Variants in PTP4A3 observed in about 807,000 individuals in gnomAD.
PTP4A3 encodes protein tyrosine phosphatase 4A3.
A neutral mutation model predicts 15.2 loss-of-function variants in PTP4A3; 9 were observed. That is an observed-to-expected ratio of 0.59 (90% CI 0.36 to 1.03). The LOEUF (loss-of-function observed/expected upper bound fraction) is 1.03. PTP4A3 is among the 50% of genes least tolerant of loss of function. PTP4A3 has a pLI of 0.02. For synonymous variants in PTP4A3, 95 were observed against 102.0 expected, an observed-to-expected ratio of 0.93 and a Z score of 0.41; for missense variants, 234 against 252.1, an observed-to-expected ratio of 0.93 and a Z score of 0.49.
intron 1 of PTP4A3, among the ~76,000 whole-genome samples, chr8:141,414,274 G>A (rs897517004): frequency 6.6e-6 from 1 of 152,354 alleles, no homozygotes; most frequent in Admixed American, 6.5e-5. Context: ...CTGGACATTA[G>A]GCCATTTGTG....
At chr8:141,408,270 G>A (rs569837852) in intron 1 of PTP4A3, among the ~76,000 whole-genome samples, 2 of 152,318 alleles carry the variant, frequency 1.3e-5, no homozygotes, top group South Asian at 4.1e-4. Flanking sequence ...GGAATTAGTG[G>A]TGATGATTAC....
chr8:141,426,675 A>G, intron 3 of PTP4A3: 1 of 985,332 alleles, frequency 1.0e-6, no homozygotes, highest in South Asian at 4.7e-5. Flanking sequence ...CTCTATTCAG[A>G]AAGGGGTGGG....
In PTP4A3 at chr8:141,416,627, G is replaced by A. The variant is rs564098128; in HGVS notation, c.-853-4761G>A. Among the ~76,000 whole-genome samples the A allele has an allele frequency of 2.1e-3, 323 of 152,238 alleles. 3 individuals carry two copies. Among genetic ancestry groups the A allele is most frequent in the African/African-American group, 7.6e-3 (314 of 41,548 alleles). On this transcript the variant is annotated intron_variant, in intron 1 of 5. Coordinates refer to ENST00000521578, the MANE Select transcript of PTP4A3 (RefSeq NM_032611.3). Reference sequence around the variant, plus strand: ...CACGTGGGTGGGTGCCCTTGCCAGGGAGCTCACACCCTTGGGGGTCCATGA... The same window carrying A: ...CACGTGGGTGGGTGCCCTTGCCAGGAAGCTCACACCCTTGGGGGTCCATGA...
intron 1 of PTP4A3, among the ~76,000 whole-genome samples, chr8:141,397,317 C>T (rs1832476426): frequency 6.6e-6 from 1 of 152,200 alleles, no homozygotes; most frequent in African/African-American, 2.4e-5. Context: ...ACACAGGCTC[C>T]AGGCAGTGGG....
chr8:141,422,317 C>G lies in PTP4A3; in HGVS notation c.77C>G (p.Thr26Ser), dbSNP rs888702341. 6.8e-6 allele frequency: 11 copies of G among 1,613,402 alleles called. No homozygotes were observed. The African/African-American group carries it at 8.0e-5, about 12-fold the overall frequency. ...CGCTTCCTCATCACCCACAACCCCACCAACGCCACGCTCAGCACCTTCATT... is the reference window on the plus strand; with the variant it reads ...CGCTTCCTCATCACCCACAACCCCAGCAACGCCACGCTCAGCACCTTCATT... ...HMRFLITHNP[T>S]NATLSTFIED... Residue 26 changes from threonine (T) to serine (S), a missense_variant, in exon 2 of 6, where the codon ACC becomes AGC. Transcript: ENST00000521578.
At chr8:141,397,547 T>G (rs1340556623) in intron 1 of PTP4A3, among the ~76,000 whole-genome samples, 5 of 152,172 alleles carry the variant, frequency 3.3e-5, no homozygotes, top group Admixed American at 6.5e-5. Context: ...CTGGCCTCAG[T>G]TGGGAGTCCA....
intron 4 of PTP4A3, among the ~76,000 whole-genome samples, chr8:141,427,382 CT>C (rs1833626478): frequency 6.6e-6 from 1 of 152,232 alleles, no homozygotes; most frequent in African/African-American, 2.4e-5. Context: ...AGACTCCCTG[CT>C]GGGAGAACGG....
At chr8:141,413,379 TA>T (rs1832920032) in intron 1 of PTP4A3, among the ~76,000 whole-genome samples, 1 of 152,192 alleles carries the variant, frequency 6.6e-6, no homozygotes, top group African/African-American at 2.4e-5. Flanking sequence ...TGGCACTGGC[TA>T]AATGGGGCCC....
At chr8:141,417,841 T>C (rs1005167581) in intron 1 of PTP4A3, among the ~76,000 whole-genome samples, 1 of 151,648 alleles carries the variant, frequency 6.6e-6, no homozygotes, top group African/African-American at 2.4e-5. Flanking sequence ...GGCAGCCGGG[T>C]CGCCCGCCGG....
chr8:141,414,067 TG>T (rs1832947995), intron 1 of PTP4A3, among the ~76,000 whole-genome samples: 1 of 151,870 alleles, frequency 6.6e-6, no homozygotes, highest in Non-Finnish European at 1.5e-5. Flanking sequence ...GTGGCGTGTG[TG>T]TGTGTGTGTG....
At chr8:141,429,637 G>A (rs111972555) in intron 5 of PTP4A3, among the ~76,000 whole-genome samples, 8 of 140,050 alleles carry the variant, frequency 5.7e-5, no homozygotes, top group South Asian at 2.5e-4. Flanking sequence ...TAAGGACCAG[G>A]TGGCGGGGAC....
Position 141,422,178 on chromosome 8 carries a change from C to T in PTP4A3, c.-63C>T, listed in dbSNP as rs1343357715. On this transcript the variant is annotated 5_prime_UTR_variant, in exon 2 of 6. Coordinates refer to ENST00000521578, the MANE Select transcript of PTP4A3 (RefSeq NM_032611.3). ...TTTTTGGGGGTGTGTGGGGACTTCT[C>T]AGGTCGTGTCCCCAGCCTTCTCTGC... 48 of 1,531,540 alleles carry T rather than the reference C, an allele frequency of 3.1e-5. No homozygotes were observed. Among genetic ancestry groups the T allele is most frequent in the Non-Finnish European group, 4.1e-5 (46 of 1,108,904 alleles). 94.9% of individuals were successfully genotyped at this position (1,531,540 alleles called of 1,614,324 possible). A position where few individuals can be genotyped will look rare whatever the true frequency, so the allele number is the denominator to read the frequency against.
intron 3 of PTP4A3, chr8:141,426,726 T>A: frequency 1.0e-6 from 1 of 954,720 alleles, no homozygotes; most frequent in Non-Finnish European, 1.2e-6. Flanking sequence ...ATAGCTGCAG[T>A]GTACAGGGAA....
chr8:141,402,533 C>T (rs898199057), intron 1 of PTP4A3, among the ~76,000 whole-genome samples: 2 of 152,200 alleles, frequency 1.3e-5, no homozygotes, highest in African/African-American at 2.4e-5. Flanking sequence ...CTTTGACCTC[C>T]GTGGGGCCTT....
At chr8:141,418,957 T>C (rs1474513096) in intron 1 of PTP4A3, among the ~76,000 whole-genome samples, 2 of 152,078 alleles carry the variant, frequency 1.3e-5, no homozygotes, top group African/African-American at 4.8e-5. Flanking sequence ...ATTGCTTTGC[T>C]CTCACCTGGG....
intron 5 of PTP4A3, among the ~76,000 whole-genome samples, chr8:141,429,049 C>T (rs1833721524): frequency 6.6e-6 from 1 of 152,258 alleles, no homozygotes; most frequent in South Asian, 2.1e-4. Flanking sequence ...CTGCGCTGGT[C>T]AGGACAGGTT....
chr8:141,425,924 T>C lies in PTP4A3; in HGVS notation c.198+784T>C, dbSNP rs1032997801. On this transcript the variant is annotated intron_variant, in intron 3 of 5. Transcript: ENST00000521578. This position sits in a 1 kb window ranked among gnomAD's most constrained non-coding sequence, Gnocchi z 4.2. ...CTCCCCAGCCTTGCGACCCTGCAGG[T>C]CACTCCGAGCCTTGGGTTCCTCACC... is the stretch of plus-strand genomic sequence containing the variant. 1.3e-5 allele frequency among the ~76,000 whole-genome samples: 2 copies of C among 152,142 alleles called. No individual in the cohort carries two copies. Among genetic ancestry groups the C allele is most frequent in the Non-Finnish European group, 2.9e-5 (2 of 68,002 alleles).
intron 1 of PTP4A3, among the ~76,000 whole-genome samples, chr8:141,420,151 G>A (rs1833260672): frequency 6.6e-6 from 1 of 152,232 alleles, no homozygotes; most frequent in East Asian, 1.9e-4. Context: ...GAGAGGGGGT[G>A]GGTTGGGGAA....
intron 1 of PTP4A3, among the ~76,000 whole-genome samples, chr8:141,420,737 G>A (rs796726785): frequency 1.9e-4 from 29 of 152,340 alleles, no homozygotes; most frequent in African/African-American, 5.8e-4. Context: ...ACACAGTGGC[G>A]GGGGGACACT....
Sources: allele counts gnomAD v4.1 joint callset (sites outside exome capture counted in the v4.1 genomes callset), GRCh38; gene constraint gnomAD v4.1.1; non-coding constraint Gnocchi (gnomAD v3.1); transcripts MANE v1.5; gene names NCBI Gene and HGNC (gene_info 2026-07-23, HGNC 2026-07-21).